Variants in TSC22D3 observed in about 807,000 individuals in gnomAD.
TSC22D3 encodes TSC22 domain family member 3.
A neutral mutation model predicts 11.1 loss-of-function variants in TSC22D3; 4 were observed. That is an observed-to-expected ratio of 0.36 (90% CI 0.18 to 0.83). The LOEUF (loss-of-function observed/expected upper bound fraction) is 0.83. TSC22D3 is among the 40% of genes least tolerant of loss of function. TSC22D3 has a pLI of 0.48. For missense variants in TSC22D3, 118 were observed against 159.4 expected (o/e 0.74, Z 1.40); for synonymous variants, 77 against 70.3 (o/e 1.10, Z -0.48).
intron 1 of TSC22D3, chrX:107,716,163 T>TGCC (rs1000238961): frequency 1.5e-6 from 1 of 663,328 alleles, no homozygotes; most frequent in African/African-American, 2.2e-5. Flanking sequence ...TCAGCGCTGC[T>TGCC]GCCGCCGCCC....
chrX:107,716,259 C>G (rs754352696), intron 1 of TSC22D3: 1 of 920,669 alleles, frequency 1.1e-6, no homozygotes, highest in African/African-American at 2.0e-5. Context: ...AACAATGGGG[C>G]TGTGCGACCC....
At chrX:107,731,985 G>A in intron 1 of TSC22D3, among the ~76,000 whole-genome samples, 1 of 111,257 alleles carries the variant, frequency 9.0e-6, no homozygotes, top group Non-Finnish European at 1.9e-5. Flanking sequence ...GACCTGATGG[G>A]TGTCTGGGCT....
intron 1 of TSC22D3, among the ~76,000 whole-genome samples, chrX:107,731,905 G>A (rs1181557071): frequency 9.1e-6 from 1 of 109,864 alleles, no homozygotes; most frequent in African/African-American, 3.3e-5. Context: ...GAAGGGCAGG[G>A]TAGGTCAGGA....
intron 1 of TSC22D3, among the ~76,000 whole-genome samples, chrX:107,771,043 G>C (rs1439886770): frequency 8.9e-6 from 1 of 112,113 alleles, no homozygotes; most frequent in African/African-American, 3.2e-5. Flanking sequence ...GGGATGGTTG[G>C]TTTCCCTACC....
At chrX:107,733,300 G>A (rs980856661) in intron 1 of TSC22D3, among the ~76,000 whole-genome samples, 9 of 111,617 alleles carry the variant, frequency 8.1e-5, no homozygotes, top group African/African-American at 2.9e-4. Context: ...GAGAGCATGC[G>A]CACTTTCTAC....
intron 1 of TSC22D3, among the ~76,000 whole-genome samples, chrX:107,756,292 C>T: frequency 8.9e-6 from 1 of 112,418 alleles, no homozygotes; most frequent in Non-Finnish European, 1.9e-5. Flanking sequence ...TAAGCAGATT[C>T]CCTTTTTAAG....
At chrX:107,725,615 T>C (rs1468427759) in intron 1 of TSC22D3, among the ~76,000 whole-genome samples, 1 of 111,966 alleles carries the variant, frequency 8.9e-6, no homozygotes, top group Non-Finnish European at 1.9e-5. Flanking sequence ...TGCCCTTTCT[T>C]TCCCTCTCAC....
At chrX:107,735,324 G>A (rs1928081417) in intron 1 of TSC22D3, among the ~76,000 whole-genome samples, 1 of 112,076 alleles carries the variant, frequency 8.9e-6, no homozygotes, top group Admixed American at 9.4e-5. Context: ...CCCAAGGCAG[G>A]TTGAATCCCC....
At chrX:107,733,668 C>T (rs774663500) in intron 1 of TSC22D3, among the ~76,000 whole-genome samples, 1 of 111,861 alleles carries the variant, frequency 8.9e-6, no homozygotes, top group East Asian at 2.8e-4. Flanking sequence ...GTTTTCCCAG[C>T]CCTGACCTCG....
chrX:107,737,389 G>A (rs752278544), intron 1 of TSC22D3, among the ~76,000 whole-genome samples: 3 of 111,654 alleles, frequency 2.7e-5, no homozygotes, highest in East Asian at 2.8e-4. Flanking sequence ...CAGGGGTTTC[G>A]CTAAGTAAGA....
chrX:107,749,193 ACACACAC>A (rs1477063672), intron 1 of TSC22D3, among the ~76,000 whole-genome samples: 2 of 105,121 alleles, frequency 1.9e-5, no homozygotes, highest in Admixed American at 2.0e-4. Context: ...ACACACACAC[ACACACAC>A]ACACACACAC....
intron 1 of TSC22D3, among the ~76,000 whole-genome samples, chrX:107,728,076 G>T (rs1927725384): frequency 9.0e-6 from 1 of 111,213 alleles, no homozygotes; most frequent in South Asian, 3.8e-4. Context: ...TGAGGGCAGG[G>T]GCTTATCTTA....
chrX:107,745,245 C>T (rs1928598262), intron 1 of TSC22D3, among the ~76,000 whole-genome samples: 1 of 111,960 alleles, frequency 8.9e-6, no homozygotes, highest in Non-Finnish European at 1.9e-5. Context: ...TCCATCCCAG[C>T]ATCCTCTCCT....
chrX:107,770,963 G>A (rs890116066), intron 1 of TSC22D3, among the ~76,000 whole-genome samples: 2 of 112,094 alleles, frequency 1.8e-5, no homozygotes, highest in African/African-American at 6.5e-5. Context: ...CTAACAACAG[G>A]GTGACCAACC....
chrX:107,737,911 G>A (rs1043541777), intron 1 of TSC22D3, among the ~76,000 whole-genome samples: 2 of 112,199 alleles, frequency 1.8e-5, no homozygotes, highest in Non-Finnish European at 3.8e-5. Flanking sequence ...GTGCCATCGT[G>A]TGGGTCCCTG....
At chrX:107,718,498 A>G (rs1927171797) in intron 1 of TSC22D3, among the ~76,000 whole-genome samples, 1 of 113,069 alleles carries the variant, frequency 8.8e-6, no homozygotes, top group Non-Finnish European at 1.9e-5. Context: ...CAAAGAAGGT[A>G]ATTATTGTTT....
chrX:107,769,475 A>G lies in TSC22D3; in HGVS notation c.320+5625T>C, dbSNP rs756262322. ...AGTAGAATAGAGGTTACCAGGGGGT[A>G]GTGGGAGGGGAAAATAGGGAAACGG... On this transcript the variant is annotated intron_variant, in intron 1 of 2. Coordinates refer to ENST00000372383, the MANE Select transcript of TSC22D3 (RefSeq NM_198057.3). 6.5e-4 allele frequency among the ~76,000 whole-genome samples: 72 copies of G among 111,365 alleles called. 1 individual carries two copies. Among genetic ancestry groups the G allele is most frequent in the Non-Finnish European group, 1.1e-4 (6 of 53,076 alleles).
At chrX:107,760,673 C>A (rs1415408258) in intron 1 of TSC22D3, among the ~76,000 whole-genome samples, 2 of 112,541 alleles carry the variant, frequency 1.8e-5, no homozygotes, top group East Asian at 5.6e-4. Context: ...CGTCCCCAGG[C>A]CCATTGTCCT....
chrX:107,747,395 T>C (rs955244323), intron 1 of TSC22D3, among the ~76,000 whole-genome samples: 28 of 112,481 alleles, frequency 2.5e-4, no homozygotes, highest in African/African-American at 8.7e-4. Flanking sequence ...AGTGGGTCTG[T>C]CAGATCTAAG....
Sources: allele counts gnomAD v4.1 joint callset (sites outside exome capture counted in the v4.1 genomes callset), GRCh38; gene constraint gnomAD v4.1.1; transcripts MANE v1.5; gene names NCBI Gene and HGNC (gene_info 2026-07-23, HGNC 2026-07-21).